Variants in OXCT1 observed in about 807,000 individuals in gnomAD.
OXCT1 encodes the protein 3-oxoacid CoA-transferase 1.
OXCT1 carries 27 observed loss-of-function variants against 69.6 expected under a neutral mutation model. The ratio of observed to expected loss-of-function variants is 0.39; its 90% confidence interval spans 0.29 to 0.54. The LOEUF (loss-of-function observed/expected upper bound fraction) is 0.54, where lower values mean the gene tolerates loss of function less well. Among genes scored for constraint, OXCT1 ranks in the 20% least tolerant of loss-of-function variants. OXCT1 has a pLI of 0.72. For synonymous variants in OXCT1, 202 were observed against 217.8 expected (o/e 0.93, Z 0.64); for missense variants, 437 against 650.2 (o/e 0.67, Z 3.57).
intron 11 of OXCT1, among the ~76,000 whole-genome samples, chr5:41,796,373 C>A (rs1412814355): frequency 6.6e-6 from 1 of 152,098 alleles, no homozygotes; most frequent in Non-Finnish European, 1.5e-5. Flanking sequence ...CCATGCATGG[C>A]CTCAGTATAA....
At chr5:41,784,999 A>G (rs920226673) in intron 13 of OXCT1, among the ~76,000 whole-genome samples, 7 of 152,188 alleles carry the variant, frequency 4.6e-5, no homozygotes, top group African/African-American at 1.7e-4. Flanking sequence ...CATGTTTTCC[A>G]GATAGTCATA....
intron 8 of OXCT1, among the ~76,000 whole-genome samples, chr5:41,806,094 G>A (rs1014017207): frequency 7.9e-5 from 12 of 152,034 alleles, no homozygotes; most frequent in Admixed American, 6.6e-4. Context: ...GCTGCCAATT[G>A]CCTGTTTCCA....
chr5:41,780,084 A>G (rs1300670760), intron 13 of OXCT1, among the ~76,000 whole-genome samples: 1 of 152,162 alleles, frequency 6.6e-6, no homozygotes, highest in Non-Finnish European at 1.5e-5. Flanking sequence ...GGATAAAGAG[A>G]AGATATAATA....
chr5:41,787,634 C>CAAA (rs765691863), intron 13 of OXCT1, among the ~76,000 whole-genome samples: 17 of 34,678 alleles, frequency 4.9e-4, no homozygotes, highest in Non-Finnish European at 5.9e-4. Flanking sequence ...AAGCATTAGG[C>CAAA]AAAAAAAAAA....
intron 5 of OXCT1, among the ~76,000 whole-genome samples, chr5:41,845,965 T>A (rs1748881984): frequency 1.3e-5 from 2 of 152,130 alleles, no homozygotes; most frequent in South Asian, 4.1e-4. Context: ...TGTAGCATTT[T>A]AAAAATATAT....
intron 7 of OXCT1, among the ~76,000 whole-genome samples, chr5:41,837,509 G>A (rs1748425880): frequency 6.7e-6 from 1 of 149,006 alleles, no homozygotes; most frequent in Admixed American, 6.8e-5. Context: ...CGGGGCCACT[G>A]AACACAGGAT....
At position 41,841,500 on chromosome 5, in the gene OXCT1, G is replaced by A. The variant is rs1328779350; in HGVS notation, c.672-989C>T. Among the ~76,000 whole-genome samples the A allele has an allele frequency of 2.0e-5, 3 of 152,080 alleles. No individual in the cohort carries two copies. The East Asian group carries it at 5.8e-4, about 29-fold the overall frequency. On this transcript the variant is annotated intron_variant, in intron 6 of 16. Transcript: ENST00000196371. ...TTCCAGCTGTCCCACTAAATATGAA[G>A]TTAATCCTAAGGTCACTTGACCATT...
At chr5:41,734,127 G>C (rs1742772283) in intron 16 of OXCT1, among the ~76,000 whole-genome samples, 1 of 152,166 alleles carries the variant, frequency 6.6e-6, no homozygotes, top group Admixed American at 6.5e-5. Flanking sequence ...GCCACTGGTG[G>C]TTTAGGTATA....
chr5:41,802,875 C>A (rs1746487038), intron 10 of OXCT1, among the ~76,000 whole-genome samples, 194 bp downstream of exon 10: 2 of 152,028 alleles, frequency 1.3e-5, no homozygotes, highest in Non-Finnish European at 2.9e-5. Flanking sequence ...CTTTATGCAA[C>A]AACTCAGATT....
intron 7 of OXCT1, among the ~76,000 whole-genome samples, chr5:41,815,106 C>G (rs1490336143): frequency 6.6e-6 from 1 of 151,986 alleles, no homozygotes; most frequent in Non-Finnish European, 1.5e-5. Flanking sequence ...AATTGACTAG[C>G]AGCAAAATTA....
Position 41,736,478 on chromosome 5 carries a change from C to T in OXCT1, c.1521+2912G>A, listed in dbSNP as rs141824116. Among the ~76,000 whole-genome samples, 744 of 152,302 alleles carry T rather than the reference C, an allele frequency of 4.9e-3. 2 individuals carry two copies. Among genetic ancestry groups the T allele is most frequent in the Admixed American group, 7.8e-3 (119 of 15,296 alleles). ...CACTTTTTTATTATGGCTAATAACA[C>T]TATGATATATATGAAAAAGTCTTAG... is the stretch of plus-strand genomic sequence containing the variant. On this transcript the variant is annotated intron_variant, in intron 16 of 16. Coordinates refer to ENST00000196371, the MANE Select transcript of OXCT1 (RefSeq NM_000436.4).
intron 15 of OXCT1, among the ~76,000 whole-genome samples, chr5:41,744,328 T>C (rs183780410): frequency 6.6e-6 from 1 of 152,346 alleles, no homozygotes; most frequent in Admixed American, 6.5e-5. Context: ...TCCTGAGACT[T>C]TGCTGAAGTT....
At position 41,749,508 on chromosome 5, in the gene OXCT1, T is replaced by A; in HGVS notation, c.1419+19A>T. On this transcript the variant is annotated intron_variant, in intron 15 of 16. Transcript: ENST00000196371. Reference sequence around the variant, plus strand: ...ATGCTTACTTAAAACATGGTAATAGTAGAAAAAGCACTTTTTACCTTTTCA... The same window carrying A: ...ATGCTTACTTAAAACATGGTAATAGAAGAAAAAGCACTTTTTACCTTTTCA... 1 of 1,538,896 alleles carries A rather than the reference T, an allele frequency of 6.5e-7. No homozygotes were observed.
chr5:41,816,921 C>G (rs1217296150), intron 7 of OXCT1, among the ~76,000 whole-genome samples: 1 of 152,174 alleles, frequency 6.6e-6, no homozygotes, highest in Non-Finnish European at 1.5e-5. Context: ...TACCCTCAGA[C>G]TGTACTCAAA....
intron 13 of OXCT1, among the ~76,000 whole-genome samples, chr5:41,782,796 A>T (rs898748146): frequency 6.6e-6 from 1 of 152,184 alleles, no homozygotes; most frequent in African/African-American, 2.4e-5. Context: ...TTCAAAGGTA[A>T]ACTTTCCCCT....
In OXCT1 at chr5:41,731,854, T is replaced by C. The variant is rs1051705593; in HGVS notation, c.1522-84A>G. 4.0e-5 allele frequency: 59 copies of C among 1,492,626 alleles called. No homozygotes were observed. The Admixed American group carries it at 1.1e-3, about 27-fold the overall frequency. The allele number at this position is 1,492,626 out of a possible 1,614,324, so 92.5% of individuals were successfully genotyped here. A position where few individuals can be genotyped will look rare whatever the true frequency, so the allele number is the denominator to read the frequency against. On this transcript the variant is annotated intron_variant, in intron 16 of 16. Coordinates refer to ENST00000196371, the MANE Select transcript of OXCT1 (RefSeq NM_000436.4). ...CCTTTTAATTTCCAAATTTCAATCA[T>C]GTAGGCAACAAGCAGCCTTGCCATG... is the stretch of plus-strand genomic sequence containing the variant.
In OXCT1 at chr5:41,837,905, T is replaced by C. The variant is rs557786790; in HGVS notation, c.732+2546A>G. ...CTAAAATAAAGATAATTATTATTCCTATCTCATAGGACTATTGTGAGAATT... is the reference window on the plus strand; with the variant it reads ...CTAAAATAAAGATAATTATTATTCCCATCTCATAGGACTATTGTGAGAATT... On this transcript the variant is annotated intron_variant, in intron 7 of 16. Transcript: ENST00000196371. 5.9e-5 allele frequency among the ~76,000 whole-genome samples: 9 copies of C among 152,352 alleles called. No individual in the cohort carries two copies. In the South Asian group the frequency reaches 1.9e-3, roughly 32 times the overall value.
At chr5:41,764,506 G>T (rs1253645394) in intron 13 of OXCT1, among the ~76,000 whole-genome samples, 1 of 152,070 alleles carries the variant, frequency 6.6e-6, no homozygotes, top group Non-Finnish European at 1.5e-5. Flanking sequence ...GCCTATGGAA[G>T]GAAAAGTATC....
intron 13 of OXCT1, among the ~76,000 whole-genome samples, chr5:41,771,770 C>A (rs1461545581): frequency 6.6e-6 from 1 of 152,176 alleles, no homozygotes; most frequent in Non-Finnish European, 1.5e-5. Context: ...GGCCTGTATA[C>A]TACCCAGAAA....
Sources: gnomAD v4.1 joint callset for allele counts (sites outside exome capture counted in the v4.1 genomes callset) on GRCh38, gnomAD v4.1.1 for gene constraint, MANE v1.5 for transcripts, NCBI Gene and HGNC (gene_info 2026-07-23, HGNC 2026-07-21) for gene names.